CNTN5: variants seen among roughly 807,000 people sequenced by gnomAD.
CNTN5 encodes the protein contactin-5.
In CNTN5, 77 loss-of-function variants were observed where a neutral mutation model predicts 129.1. That is an observed-to-expected ratio of 0.60 (90% CI 0.50 to 0.72). The LOEUF (loss-of-function observed/expected upper bound fraction) is 0.72. Ranked by LOEUF, CNTN5 falls within the 30% of genes least tolerant of loss-of-function variation. The probability of loss-of-function intolerance (pLI) is 0.00; values close to 1 mark genes in which losing one functional copy is unlikely to be tolerated. For missense variants in CNTN5, 1,478 were observed against 1,328.8 expected (o/e 1.11, Z -1.75); for synonymous variants, 509 against 465.6 (o/e 1.09, Z -1.20).
At chr11:99,327,908 T>C (rs1041256231) in intron 2 of CNTN5, among the ~76,000 whole-genome samples, 1 of 152,166 alleles carries the variant, frequency 6.6e-6, no homozygotes, top group African/African-American at 2.4e-5. Flanking sequence ...CTGGCTCAGC[T>C]CCAAGTGGAA....
At chr11:99,949,904 T>G (rs1045484115) in intron 7 of CNTN5, among the ~76,000 whole-genome samples, 1 of 152,212 alleles carries the variant, frequency 6.6e-6, no homozygotes. Context: ...ATTTATCTTA[T>G]GTTTTTCTAA....
At chr11:99,703,414 T>C (rs1488046906) in intron 3 of CNTN5, among the ~76,000 whole-genome samples, 3 of 150,702 alleles carry the variant, frequency 2.0e-5, no homozygotes, top group African/African-American at 7.3e-5. Context: ...GATAATGTTT[T>C]CATTGCATAA....
intron 1 of CNTN5, among the ~76,000 whole-genome samples, chr11:99,027,675 A>G (rs1320502761): frequency 4.6e-5 from 7 of 151,844 alleles, no homozygotes; most frequent in Non-Finnish European, 7.4e-5. Context: ...AGAACTGAAT[A>G]TGATAAAACA....
chr11:99,209,767 G>A (rs1330551281), intron 1 of CNTN5, among the ~76,000 whole-genome samples: 5 of 152,112 alleles, frequency 3.3e-5, no homozygotes, highest in African/African-American at 1.2e-4. Flanking sequence ...AGATCAGAAC[G>A]TAATTTACTA....
chr11:99,079,697 ACTT>A (rs1388084561), intron 1 of CNTN5, among the ~76,000 whole-genome samples: 1 of 152,154 alleles, frequency 6.6e-6, no homozygotes, highest in Non-Finnish European at 1.5e-5. Context: ...AAACAAATTA[ACTT>A]TAGGTCCTTG....
chr11:99,635,791 C>A (rs762658605), intron 3 of CNTN5, among the ~76,000 whole-genome samples: 5 of 151,952 alleles, frequency 3.3e-5, no homozygotes, highest in African/African-American at 1.2e-4. Flanking sequence ...AGTTTTGTTA[C>A]TATTTTCAAG....
At chr11:99,645,760 G>C (rs1276840881) in intron 3 of CNTN5, among the ~76,000 whole-genome samples, 3 of 132,980 alleles carry the variant, frequency 2.3e-5, no homozygotes, top group Non-Finnish European at 5.0e-5. Flanking sequence ...AGAACACATC[G>C]CCACAGGGAG....
intron 2 of CNTN5, among the ~76,000 whole-genome samples, chr11:99,506,617 C>G (rs879371709): frequency 1.3e-5 from 2 of 151,740 alleles, no homozygotes; most frequent in African/African-American, 2.4e-5. Context: ...TGTTTTTTCT[C>G]TTCTAAATTT....
At chr11:99,677,389 A>C (rs1327671129) in intron 3 of CNTN5, among the ~76,000 whole-genome samples, 1 of 152,160 alleles carries the variant, frequency 6.6e-6, no homozygotes, top group African/African-American at 2.4e-5. Flanking sequence ...AAGGACAAGA[A>C]TGTAACTAAC....
chr11:99,445,356 A>C (rs920488408), intron 2 of CNTN5, among the ~76,000 whole-genome samples: 23 of 152,106 alleles, frequency 1.5e-4, no homozygotes, highest in African/African-American at 5.6e-4. Flanking sequence ...TTTCACTAGA[A>C]ACTTTTCAGA....
chr11:99,751,191 C>T (rs1169242745), intron 3 of CNTN5, among the ~76,000 whole-genome samples: 4 of 151,978 alleles, frequency 2.6e-5, no homozygotes, highest in South Asian at 2.1e-4. Flanking sequence ...TCAAAAACTT[C>T]CTGGGTGTGG....
At chr11:100,253,389 A>AT (rs900182442) in intron 16 of CNTN5, among the ~76,000 whole-genome samples, 1 of 152,178 alleles carries the variant, frequency 6.6e-6, no homozygotes, top group Non-Finnish European at 1.5e-5. Context: ...TAATAAGGTT[A>AT]TTGACTAAAT....
intron 6 of CNTN5, among the ~76,000 whole-genome samples, chr11:99,893,600 G>C (rs535484432): frequency 6.6e-6 from 1 of 152,196 alleles, no homozygotes; most frequent in East Asian, 1.9e-4. Flanking sequence ...TCATGGCAAG[G>C]ATACTGCAGG....
At chr11:99,280,282 T>C (rs1863635003) in intron 1 of CNTN5, among the ~76,000 whole-genome samples, 1 of 151,738 alleles carries the variant, frequency 6.6e-6, no homozygotes, top group South Asian at 2.1e-4. Flanking sequence ...ATTTAACACA[T>C]ATGAAATAAA....
chr11:100,220,650 T>C (rs922526250), intron 15 of CNTN5, among the ~76,000 whole-genome samples: 1 of 152,120 alleles, frequency 6.6e-6, no homozygotes, highest in Admixed American at 6.5e-5. Context: ...ACAGATAAAT[T>C]TTATCAGACA....
intron 3 of CNTN5, among the ~76,000 whole-genome samples, chr11:99,557,421 A>C (rs2135541074): frequency 6.6e-6 from 1 of 151,390 alleles, no homozygotes; most frequent in South Asian, 2.1e-4. Context: ...ATGCAACAAA[A>C]ATATCTAATT....
At chr11:99,521,289 G>A (rs1278693349) in intron 2 of CNTN5, among the ~76,000 whole-genome samples, 1 of 152,096 alleles carries the variant, frequency 6.6e-6, no homozygotes, top group Admixed American at 6.6e-5. Context: ...CAGAAGTTGG[G>A]CTTGCCACTT....
chr11:99,779,107 T>G (rs1292772190), intron 3 of CNTN5, among the ~76,000 whole-genome samples: 2 of 151,818 alleles, frequency 1.3e-5, no homozygotes, highest in Non-Finnish European at 2.9e-5. Flanking sequence ...CTATAGACAT[T>G]TTAATATCAT....
At chr11:99,671,578 C>T (rs1262618303) in intron 3 of CNTN5, among the ~76,000 whole-genome samples, 1 of 151,996 alleles carries the variant, frequency 6.6e-6, no homozygotes, top group Non-Finnish European at 1.5e-5. Context: ...AACGTCTAAA[C>T]AAGTAAGAAA....
Sources: gnomAD v4.1 joint callset for allele counts (sites outside exome capture counted in the v4.1 genomes callset) on GRCh38, gnomAD v4.1.1 for gene constraint, MANE v1.5 for transcripts, NCBI Gene and HGNC (gene_info 2026-07-23, HGNC 2026-07-21) for gene names.